JAK2: variants seen among roughly 807,000 people sequenced by gnomAD.
JAK2 encodes the protein tyrosine-protein kinase JAK2.
In JAK2, 86 loss-of-function variants were observed where a neutral mutation model predicts 139.3. The observed-to-expected ratio is 0.62, with a 90% CI of 0.52 to 0.74. The LOEUF is 0.74. Among genes scored for constraint, JAK2 ranks in the 30% least tolerant of loss-of-function variants. The pLI is 0.00. For missense variants in JAK2, 1,421 were observed against 1,360.3 expected, an observed-to-expected ratio of 1.04 and a Z score of -0.70; for synonymous variants, 490 against 437.7, an observed-to-expected ratio of 1.12 and a Z score of -1.49.
chr9:5,103,416 T>TA (rs1821687995), intron 22 of JAK2, among the ~76,000 whole-genome samples: 1 of 151,812 alleles, frequency 6.6e-6, no homozygotes, highest in South Asian at 2.1e-4. Context: ...CCAAGATTCA[T>TA]AAAGCAAGTC....
intron 22 of JAK2, chr9:5,099,683 T>A (rs1821311508): frequency 6.6e-6 from 1 of 152,188 alleles, no homozygotes; most frequent in Admixed American, 6.5e-5. Context: ...AACCGATTAT[T>A]TTCTATTCAA....
chr9:5,060,236 G>A (rs1563965379), intron 8 of JAK2, among the ~76,000 whole-genome samples: 1 of 152,212 alleles, frequency 6.6e-6, no homozygotes. Context: ...GTTGATGGCT[G>A]CTGACCGATC....
intron 22 of JAK2, among the ~76,000 whole-genome samples, chr9:5,118,517 A>G (rs1161491493): frequency 1.3e-5 from 2 of 152,218 alleles, no homozygotes; most frequent in African/African-American, 2.4e-5. Context: ...ACAAATTTGG[A>G]TAATTGCTTT....
intron 8 of JAK2, among the ~76,000 whole-genome samples, chr9:5,060,481 C>T (rs745745945): frequency 5.3e-5 from 8 of 152,322 alleles, no homozygotes; most frequent in South Asian, 2.1e-4. Context: ...TTTTCAACAA[C>T]ATTCACAGCA....
At chr9:5,060,384 C>T (rs1818081890) in intron 8 of JAK2, among the ~76,000 whole-genome samples, 1 of 152,150 alleles carries the variant, frequency 6.6e-6, no homozygotes, top group Non-Finnish European at 1.5e-5. Context: ...ATTTTACCCA[C>T]AGTAGAATTT....
intron 2 of JAK2, among the ~76,000 whole-genome samples, chr9:5,015,669 T>C (rs1444481905): frequency 6.6e-6 from 1 of 152,126 alleles, no homozygotes; most frequent in Non-Finnish European, 1.5e-5. Context: ...TTTCTCGTCA[T>C]GTACTTCCAG....
In JAK2 at chr9:5,123,009, C is replaced by G. The variant is rs749631485; in HGVS notation, c.3065C>G (p.Ala1022Gly). The G allele has an allele frequency of 6.2e-7, 1 of 1,605,954 alleles. No homozygotes were observed. Among genetic ancestry groups the G allele is most frequent in the African/African-American group, 1.3e-5 (1 of 74,560 alleles). The change falls in exon 23 of 25, where the codon GCT (alanine) becomes GGT (glycine). Residue 1022 changes from alanine to glycine, a missense_variant. Coordinates refer to ENST00000381652, the MANE Select transcript of JAK2 (RefSeq NM_004972.4). ...TGTTATTCATATATTTACAGGTATG[C>G]TCCAGAATCACTGACAGAGAGCAAG... The part of the protein sequence containing the change: ...EPGESPIFWY[A>G]PESLTESKFS...
At chr9:5,070,710 G>C (rs1818900668) in intron 12 of JAK2, among the ~76,000 whole-genome samples, 1 of 151,966 alleles carries the variant, frequency 6.6e-6, no homozygotes, top group South Asian at 2.1e-4. Flanking sequence ...GGGCCCACTG[G>C]ATTTATTGAA....
intron 4 of JAK2, among the ~76,000 whole-genome samples, chr9:5,033,315 T>G (rs1198429331): frequency 2.6e-5 from 4 of 152,212 alleles, no homozygotes. Flanking sequence ...GAAAACACTC[T>G]GCAGGATATT....
intron 22 of JAK2, among the ~76,000 whole-genome samples, chr9:5,105,013 C>G (rs1327695882): frequency 6.6e-6 from 1 of 152,208 alleles, no homozygotes; most frequent in Non-Finnish European, 1.5e-5. Flanking sequence ...CAAGGATGCC[C>G]TCTGTCACCA....
intron 4 of JAK2, among the ~76,000 whole-genome samples, chr9:5,037,262 C>A (rs1463333074): frequency 6.6e-6 from 1 of 152,104 alleles, no homozygotes; most frequent in Admixed American, 6.5e-5. Context: ...GTTGGTGGGA[C>A]TGTAAACTAG....
At chr9:5,116,448 A>G (rs1036538680) in intron 22 of JAK2, among the ~76,000 whole-genome samples, 3 of 152,222 alleles carry the variant, frequency 2.0e-5, no homozygotes, top group African/African-American at 7.2e-5. Context: ...GGTATGAGTG[A>G]AACTAAAAAG....
At chr9:5,005,526 A>G (rs552509974) in intron 2 of JAK2, among the ~76,000 whole-genome samples, 13 of 152,180 alleles carry the variant, frequency 8.5e-5, no homozygotes, top group African/African-American at 3.1e-4. Context: ...TTTGGTCAAG[A>G]TGTATTCTTT....
At chr9:5,096,220 A>G (rs1042542481) in intron 22 of JAK2, among the ~76,000 whole-genome samples, 1 of 152,114 alleles carries the variant, frequency 6.6e-6, no homozygotes, top group Non-Finnish European at 1.5e-5. Context: ...TATTTCTTCT[A>G]CCTTCCTCTT....
intron 2 of JAK2, among the ~76,000 whole-genome samples, chr9:4,986,293 C>T (rs1337003897): frequency 1.3e-5 from 2 of 152,160 alleles, no homozygotes; most frequent in Non-Finnish European, 2.9e-5. Flanking sequence ...GTCCATTACC[C>T]TTTCTTCTTA....
chr9:5,019,868 A>C (rs1281489737), intron 2 of JAK2, among the ~76,000 whole-genome samples: 2 of 152,102 alleles, frequency 1.3e-5, no homozygotes, highest in Non-Finnish European at 2.9e-5. Flanking sequence ...GGCTGTGGTG[A>C]ACTTTTGCTG....
At chr9:5,041,546 C>G in intron 4 of JAK2, 1 of 533,466 alleles carries the variant, frequency 1.9e-6, no homozygotes, top group Non-Finnish European at 3.7e-6. Flanking sequence ...GCGAGAACTT[C>G]CCAGAGGAGA....
At chr9:5,114,627 A>G in intron 22 of JAK2, 1 of 483,312 alleles carries the variant, frequency 2.1e-6, no homozygotes, top group South Asian at 1.6e-5. Flanking sequence ...GCTCCCGGAC[A>G]CTTGGCACAG....
intron 22 of JAK2, chr9:5,109,630 G>C (rs551369529): frequency 3.3e-5 from 5 of 152,144 alleles, no homozygotes; most frequent in African/African-American, 1.2e-4. Context: ...TTCACCATTA[G>C]CCTCATCCCA....
Sources: gnomAD v4.1 joint callset for allele counts (sites outside exome capture counted in the v4.1 genomes callset) on GRCh38, gnomAD v4.1.1 for gene constraint, MANE v1.5 for transcripts, NCBI Gene and HGNC (gene_info 2026-07-23, HGNC 2026-07-21) for gene names.